Variants in GET1 observed in about 807,000 individuals in gnomAD.
GET1 encodes congenital heart disease 5 protein.
Under a neutral mutation model 22.6 loss-of-function variants are expected in GET1, and 20 were observed. The ratio of observed to expected loss-of-function variants is 0.89; its 90% confidence interval spans 0.62 to 1.29. GET1 has a LOEUF of 1.29. GET1 is among the 50% of genes most tolerant of loss of function. The pLI is 0.00. For missense variants in GET1, 209 were observed against 219.9 expected, an observed-to-expected ratio of 0.95 and a Z score of 0.31; for synonymous variants, 92 against 83.8, an observed-to-expected ratio of 1.10 and a Z score of -0.53.
intron 3 of GET1, 98 bp from the exon 4 acceptor site, chr21:39,393,068 G>A: frequency 9.7e-7 from 1 of 1,032,580 alleles, no homozygotes; most frequent in South Asian, 1.4e-5. Context: ...AGTCTGGAGA[G>A]TTTTCCTGGT....
In GET1 at chr21:39,387,796, C is replaced by T. The variant is rs575445680; in HGVS notation, c.103-2902C>T. 5.1e-6 allele frequency: 5 copies of T among 985,350 alleles called. No individual in the cohort carries two copies. The African/African-American group carries it at 5.3e-5, about 10-fold the overall frequency. The allele number at this position is 985,350 out of a possible 1,614,324, so 61.0% of individuals were successfully genotyped here. Reference sequence around the variant, plus strand: ...AGACACCCTCAGGCGACTGGCGGGTCGCGGCTTCCAAGCTCTAAATGGAGA... The same window carrying T: ...AGACACCCTCAGGCGACTGGCGGGTTGCGGCTTCCAAGCTCTAAATGGAGA... On this transcript the variant is annotated intron_variant, in intron 1 of 4. Transcript: ENST00000649170.
chr21:39,381,683 T>A (rs1385959349), intron 1 of GET1, among the ~76,000 whole-genome samples: 1 of 152,198 alleles, frequency 6.6e-6, no homozygotes, highest in Non-Finnish European at 1.5e-5. Context: ...TTATCATCTT[T>A]ATCATTTTTA....
intron 1 of GET1, among the ~76,000 whole-genome samples, chr21:39,416,503 G>A (rs920408943): frequency 6.6e-6 from 1 of 152,098 alleles, no homozygotes; most frequent in African/African-American, 2.4e-5. Flanking sequence ...TTTTTTTAGG[G>A]AGCCTTGGTT....
chr21:39,392,873 C>CGTCGT, intron 3 of GET1: 3 of 293,166 alleles, frequency 1.0e-5, no homozygotes, highest in South Asian at 9.1e-5. Flanking sequence ...AGATTGTGTT[C>CGTCGT]ATCCTAAAAC....
At chr21:39,391,552 T>A (rs951076990) in intron 2 of GET1, 1 of 512,600 alleles carries the variant, frequency 2.0e-6, no homozygotes, top group Admixed American at 3.5e-5. Flanking sequence ...TTAAAGCTAT[T>A]CAAATCTCAA....
intron 1 of GET1, among the ~76,000 whole-genome samples, chr21:39,417,683 G>C (rs768817406): frequency 6.6e-6 from 1 of 152,192 alleles, no homozygotes; most frequent in Non-Finnish European, 1.5e-5. Context: ...GACAAAGGAG[G>C]AGCAAAAGGA....
chr21:39,410,167 A>T (rs1230437199), downstream of GET1: 3 of 1,258,486 alleles, frequency 2.4e-6, no homozygotes, highest in African/African-American at 4.5e-5. Flanking sequence ...TTTTATTCTA[A>T]TGACTACAAA....
In GET1 at chr21:39,423,178, T is replaced by G. The variant is rs748443299; in HGVS notation, c.*24-5054T>G. 9 of 1,613,186 alleles carry G rather than the reference T, an allele frequency of 5.6e-6. No individual in the cohort carries two copies. The East Asian group carries it at 6.7e-5, about 12-fold the overall frequency. On this transcript the variant is annotated intron_variant, in intron 1 of 1. Coordinates refer to the GET1 transcript ENST00000478273. ...CTTTTCCTGGGATTTCCTAAGTAGTTGCCTTAAATTTTTTACTTCATTCTG... is the reference window on the plus strand; with the variant it reads ...CTTTTCCTGGGATTTCCTAAGTAGTGGCCTTAAATTTTTTACTTCATTCTG...
At position 39,380,358 on chromosome 21, in the gene GET1, G is replaced by A; in HGVS notation, c.-27G>A. 2.5e-6 allele frequency: 4 copies of A among 1,579,384 alleles called. No individual in the cohort carries two copies. The highest frequency in any genetic ancestry group is 4.6e-5 in the East Asian group (2 of 43,048). ...TGGTCCCCATGGAGCTGCCGTAGCG[G>A]ACCCAGCACAGCCAGGAGCGTCCGG... On this transcript the variant is annotated 5_prime_UTR_variant, in exon 1 of 5. Transcript: ENST00000649170.
In GET1 at chr21:39,426,270, C is replaced by T. The variant is rs563577547; in HGVS notation, c.*24-1962C>T. On this transcript the variant is annotated intron_variant, in intron 1 of 1. Coordinates refer to the GET1 transcript ENST00000478273. ...TAACAAATTCATACTGTATCCATCA[C>T]GCATACTTGATGGAGGAATATATAC... 7.2e-5 allele frequency among the ~76,000 whole-genome samples: 11 copies of T among 152,148 alleles called. No homozygotes were observed. The East Asian group carries it at 7.7e-4, about 11-fold the overall frequency.
Position 39,419,130 on chromosome 21 carries a change from G to A in GET1, c.*23+8193G>A, listed in dbSNP as rs577463044. 1.2e-4 allele frequency among the ~76,000 whole-genome samples: 18 copies of A among 151,924 alleles called. No homozygotes were observed. In the South Asian group the frequency reaches 1.2e-3, roughly 11 times the overall value. On this transcript the variant is annotated intron_variant, in intron 1 of 1. Transcript: ENST00000478273. ...ATTCATCAGATGAATTATCCAACTC[G>A]TCCAGCTCCGCCCCAACTCCTCACC...
chr21:39,425,588 CTG>C (rs1436590538), intron 1 of GET1, among the ~76,000 whole-genome samples: 2 of 152,162 alleles, frequency 1.3e-5, no homozygotes, highest in Non-Finnish European at 2.9e-5. Flanking sequence ...GAAGAGGTGT[CTG>C]TGGTTTTGTT....
At chr21:39,398,256 G>T (rs1329095526), downstream of GET1, among the ~76,000 whole-genome samples, 2 of 152,176 alleles carry the variant, frequency 1.3e-5, no homozygotes, top group Non-Finnish European at 1.5e-5. Flanking sequence ...GCAGGAACTA[G>T]TCCTTCAGAC....
Position 39,390,706 on chromosome 21 carries a change from G to A in GET1, c.111G>A (p.Arg37=). 6.2e-7 allele frequency: 1 copy of A among 1,614,126 alleles called. No homozygotes were observed. Among genetic ancestry groups the A allele is most frequent in the Non-Finnish European group, 8.5e-7 (1 of 1,180,012 alleles). ...GTTGTCCGCCCTGCCAGATGTCCAG[G>A]GTGCTGCAGAAGGACGCGGAGCAGG... ...LLPSFSSFMS[R]VLQKDAEQES... Residue 37 remains arginine (R), a synonymous_variant, in exon 2 of 5, where the codon AGG becomes AGA. Coordinates refer to ENST00000649170, the MANE Select transcript of GET1 (RefSeq NM_004627.6).
downstream of GET1, among the ~76,000 whole-genome samples, chr21:39,409,733 C>T (rs2039755617): frequency 6.6e-6 from 1 of 152,160 alleles, no homozygotes; most frequent in Non-Finnish European, 1.5e-5. The surrounding 1 kb of genome is among the most constrained non-coding windows in gnomAD (Gnocchi z 4.2). Context: ...GCTGGGATTA[C>T]AGGCACATAC....
chr21:39,419,533 AAAG>A (rs1401909506), intron 1 of GET1, among the ~76,000 whole-genome samples: 10 of 138,112 alleles, frequency 7.2e-5, no homozygotes, highest in African/African-American at 2.4e-4. Flanking sequence ...CAAAAAAAAA[AAAG>A]AAAAAAGAAA....
At position 39,406,099 on chromosome 21, in the gene GET1, A is replaced by G. The variant is rs143233766; in HGVS notation, c.*115A>G. ...ATAGCCTGATCCAAAGAGTTCTTCC[A>G]TGAGACTGCTTTTCTTATCTCTGAA... On this transcript the variant is annotated 3_prime_UTR_variant, in exon 5 of 5. Transcript: ENST00000415847. 629 of 1,614,230 alleles carry G rather than the reference A, an allele frequency of 3.9e-4. No individual in the cohort carries two copies. Among genetic ancestry groups the G allele is most frequent in the Non-Finnish European group, 5.1e-4 (600 of 1,180,030 alleles).
At chr21:39,405,867 G>A (rs552928783) in intron 4 of GET1, 223 of 1,526,118 alleles carry the variant, frequency 1.5e-4, no homozygotes, top group Middle Eastern at 4.1e-4. Flanking sequence ...GAATGCATTA[G>A]GATATTGATT....
chr21:39,380,621 T>C (rs1045073631), intron 1 of GET1, 135 bp downstream of exon 1: 26 of 1,462,186 alleles, frequency 1.8e-5, no homozygotes, highest in African/African-American at 4.3e-5. Context: ...GTAAGCTTTT[T>C]TGAGATAGTT....
Sources: gnomAD v4.1 joint callset for allele counts (sites outside exome capture counted in the v4.1 genomes callset) on GRCh38, gnomAD v4.1.1 for gene constraint, Gnocchi (gnomAD v3.1) non-coding constraint, MANE v1.5 for transcripts, NCBI Gene and HGNC (gene_info 2026-07-23, HGNC 2026-07-21) for gene names.